The following TMEM232 variants were observed in gnomAD, a reference collection of about 807,000 sequenced individuals.
TMEM232 encodes the protein transmembrane protein 232.
In TMEM232, 80 loss-of-function variants were observed where a neutral mutation model predicts 78.8. The ratio of observed to expected loss-of-function variants is 1.01; its 90% confidence interval spans 0.85 to 1.22. The LOEUF is 1.22. Among genes scored for constraint, TMEM232 ranks in the 50% most tolerant of loss-of-function variants. The pLI is 0.00. For synonymous variants in TMEM232, 297 were observed against 254.3 expected (o/e 1.17, Z -1.60); for missense variants, 881 against 742.2 (o/e 1.19, Z -2.17).
chr5:110,509,977 C>T (rs369815232), intron 12 of TMEM232, among the ~76,000 whole-genome samples: 5 of 152,102 alleles, frequency 3.3e-5, no homozygotes, highest in Admixed American at 2.6e-4. Context: ...TTATTTTCTT[C>T]TAACTCTCTG....
chr5:110,600,604 C>T (rs1419523761), intron 10 of TMEM232, among the ~76,000 whole-genome samples: 2 of 152,046 alleles, frequency 1.3e-5, no homozygotes, highest in African/African-American at 2.4e-5. Flanking sequence ...CCTCCCAAGA[C>T]TAAATCAGGA....
At chr5:110,539,648 T>A (rs1346958991) in intron 11 of TMEM232, among the ~76,000 whole-genome samples, 1 of 152,184 alleles carries the variant, frequency 6.6e-6, no homozygotes, top group Non-Finnish European at 1.5e-5. Flanking sequence ...TGCTTGGGCC[T>A]TAGAGAGGGA....
rs555978207 is a variant in TMEM232, at chr5:110,467,972, T to C, written c.1704-43056A>G. Among the ~76,000 whole-genome samples the C allele has an allele frequency of 2.0e-5, 3 of 152,114 alleles. No individual in the cohort carries two copies. The East Asian group carries it at 5.8e-4, about 29-fold the overall frequency. On this transcript the variant is annotated intron_variant, in intron 12 of 13. Transcript: ENST00000455884. ...ATTTACCTTTACATGACATTCTTCC[T>C]GTGTGCATATTTGTGGCCAATCCCC...
intron 12 of TMEM232, among the ~76,000 whole-genome samples, chr5:110,499,581 C>T (rs1342755519): frequency 6.7e-6 from 1 of 150,064 alleles, no homozygotes. Context: ...AATTAAAAGA[C>T]ATAGATAAGG....
In TMEM232 at chr5:110,625,374, AT is replaced by A; in HGVS notation, c.660del (p.Gln220HisfsTer4). 1 of 1,547,844 alleles carries A rather than the reference AT, an allele frequency of 6.5e-7. No homozygotes were observed. Among genetic ancestry groups the A allele is most frequent in the Non-Finnish European group, 8.7e-7 (1 of 1,144,766 alleles). On this transcript the variant is annotated frameshift_variant, in exon 7 of 14. Coordinates refer to ENST00000455884, the MANE Select transcript of TMEM232 (RefSeq NM_001039763.4). LOFTEE classifies it high-confidence loss of function. ...ATAATTTCCGAGGCTTTCAGGATGA[AT>A]TGCACATTTGAAAAGATGTTTGGAT... ...HKYPNIFSNV[Q>X]FILKASEIIG...
intron 10 of TMEM232, among the ~76,000 whole-genome samples, chr5:110,597,887 G>T (rs1001246637): frequency 6.6e-6 from 1 of 152,152 alleles, no homozygotes; most frequent in South Asian, 2.1e-4. Flanking sequence ...AGAGTTAAAT[G>T]TTAGACCTAA....
At chr5:110,430,881 C>G (rs921953482) in intron 12 of TMEM232, among the ~76,000 whole-genome samples, 8 of 151,584 alleles carry the variant, frequency 5.3e-5, no homozygotes, top group Non-Finnish European at 1.0e-4. Context: ...CATTAAGCAA[C>G]AGGATTTGAA....
intron 1 of TMEM232, among the ~76,000 whole-genome samples, chr5:110,676,734 T>C (rs1792075185): frequency 1.2e-5 from 1 of 84,874 alleles, no homozygotes; most frequent in African/African-American, 6.5e-5. Flanking sequence ...CTTCATCTTT[T>C]ATTTATTTAT....
intron 10 of TMEM232, among the ~76,000 whole-genome samples, chr5:110,590,728 CTGAG>C (rs762560533): frequency 6.6e-6 from 1 of 152,052 alleles, no homozygotes; most frequent in Non-Finnish European, 1.5e-5. Flanking sequence ...TTCCCTGAGA[CTGAG>C]TAATTTATAA....
At chr5:110,707,419 C>CTG (rs1796033273) in intron 1 of TMEM232, among the ~76,000 whole-genome samples, 2 of 152,208 alleles carry the variant, frequency 1.3e-5, no homozygotes, top group East Asian at 3.8e-4. Flanking sequence ...TAACAAAGCT[C>CTG]TGCTGGGCAC....
At chr5:110,410,763 C>T (rs963247108) in intron 2 of TMEM232, among the ~76,000 whole-genome samples, 1 of 152,152 alleles carries the variant, frequency 6.6e-6, no homozygotes, top group African/African-American at 2.4e-5. Context: ...AGTATTACCA[C>T]ATTTCAAGAA....
At chr5:110,650,852 C>T (rs189813282) in intron 2 of TMEM232, among the ~76,000 whole-genome samples, 6 of 151,978 alleles carry the variant, frequency 3.9e-5, no homozygotes, top group East Asian at 1.9e-4. Flanking sequence ...TTCAATATTG[C>T]GACAAATGTA....
At chr5:110,402,640 T>C (rs890862434) in intron 2 of TMEM232, among the ~76,000 whole-genome samples, 1 of 152,034 alleles carries the variant, frequency 6.6e-6, no homozygotes, top group African/African-American at 2.4e-5. Context: ...CTTAGGGAAA[T>C]TGGATTGCAA....
At chr5:110,627,935 A>C in intron 5 of TMEM232, 55 bp from the exon 6 acceptor site, 1 of 1,179,140 alleles carries the variant, frequency 8.5e-7, no homozygotes, top group Non-Finnish European at 1.2e-6. Context: ...AAATGTTTAA[A>C]AACCATAAGA....
chr5:110,707,008 C>A (rs183735264), intron 1 of TMEM232, among the ~76,000 whole-genome samples: 42 of 152,238 alleles, frequency 2.8e-4, no homozygotes, highest in Middle Eastern at 3.4e-3. Flanking sequence ...TCTTCAAAGT[C>A]CTCCCTTGGA....
At chr5:110,533,771 C>T (rs1467289409) in intron 11 of TMEM232, among the ~76,000 whole-genome samples, 2 of 152,136 alleles carry the variant, frequency 1.3e-5, no homozygotes, top group African/African-American at 4.8e-5. Context: ...CATTTCCCCA[C>T]ATTTCCTTCT....
intron 2 of TMEM232, chr5:110,666,511 T>C (rs1218110424): frequency 2.6e-5 from 4 of 152,142 alleles, no homozygotes; most frequent in Non-Finnish European, 1.5e-5. Context: ...GATTATCTAG[T>C]CATGGTTTGT....
chr5:110,414,176 C>G lies in TMEM232; in HGVS notation n.308+10647G>C, dbSNP rs59506017. 6.6e-5 allele frequency among the ~76,000 whole-genome samples: 10 copies of G among 152,156 alleles called. 1 individual carries two copies. The East Asian group carries it at 7.7e-4, about 12-fold the overall frequency. On this transcript the variant is annotated intron_variant and non_coding_transcript_variant, in intron 2 of 8. Coordinates refer to the TMEM232 transcript ENST00000507188. The stretch of plus-strand genomic sequence containing the variant: ...GTCAAAATCCTTAGAAAGGTCATTC[C>G]TGCTGTTATTTTTGTTCTTCACTTG...
intron 4 of TMEM232, 132 bp from the exon 5 acceptor site, chr5:110,638,487 TCTTTGACAC>T (rs1786210424): frequency 1.2e-6 from 1 of 865,896 alleles, no homozygotes; most frequent in Non-Finnish European, 1.7e-6. Flanking sequence ...TTACAAATTC[TCTTTGACAC>T]CTTTCTCATC....
Sources: allele counts gnomAD v4.1 joint callset (sites outside exome capture counted in the v4.1 genomes callset), GRCh38; gene constraint gnomAD v4.1.1; transcripts MANE v1.5; gene names NCBI Gene and HGNC (gene_info 2026-07-23, HGNC 2026-07-21).